ANKRD18B: variants seen among roughly 807,000 people sequenced by gnomAD.
The protein encoded by ANKRD18B is ankyrin repeat domain 18B.
In ANKRD18B, 75 loss-of-function variants were observed where a neutral mutation model predicts 111.8. The ratio of observed to expected loss-of-function variants is 0.67; its 90% CI spans 0.56 to 0.81. ANKRD18B has a LOEUF of 0.81. Ranked by LOEUF, ANKRD18B falls within the 40% of genes least tolerant of loss-of-function variation. The pLI is 0.00. For missense variants in ANKRD18B, 1,038 were observed against 1,225.5 expected, an observed-to-expected ratio of 0.85 and a Z score of 2.28; for synonymous variants, 356 against 417.3, an observed-to-expected ratio of 0.85 and a Z score of 1.79.
intron 16 of ANKRD18B, among the ~76,000 whole-genome samples, chr9:33,567,549 C>T (rs561660846): frequency 6.6e-6 from 1 of 152,086 alleles, no homozygotes; most frequent in Non-Finnish European, 1.5e-5. Context: ...TGAAAAGTCT[C>T]ATGTAGTTAA....
intron 10 of ANKRD18B, among the ~76,000 whole-genome samples, chr9:33,545,720 A>C (rs541548533): frequency 6.6e-6 from 1 of 152,314 alleles, no homozygotes; most frequent in African/African-American, 2.4e-5. Context: ...AGATATGCAA[A>C]GGCTTAAGAA....
chr9:33,566,787 TATG>T (rs1828692350), intron 15 of ANKRD18B, among the ~76,000 whole-genome samples: 1 of 152,182 alleles, frequency 6.6e-6, no homozygotes, highest in Non-Finnish European at 1.5e-5. Context: ...TTAGAAATTA[TATG>T]ATACTTTTGA....
At chr9:33,540,917 AGAGGATAGATG>A (rs1342198926) in intron 8 of ANKRD18B, among the ~76,000 whole-genome samples, 3 of 152,208 alleles carry the variant, frequency 2.0e-5, no homozygotes, top group Non-Finnish European at 2.9e-5. Flanking sequence ...CCCATTATGT[AGAGGATAGATG>A]GAGGATAGAT....
chr9:33,573,984 TG>T (rs1394514111), downstream of ANKRD18B, among the ~76,000 whole-genome samples: 1 of 142,178 alleles, frequency 7.0e-6, no homozygotes, highest in Non-Finnish European at 1.6e-5. Flanking sequence ...AACTGGTCGG[TG>T]GGGTGTATTC....
At chr9:33,537,676 G>A (rs896349554) in intron 6 of ANKRD18B, among the ~76,000 whole-genome samples, 20 of 152,006 alleles carry the variant, frequency 1.3e-4, no homozygotes, top group African/African-American at 4.1e-4. Context: ...TGAATATTGC[G>A]GGGGTTAGGG....
downstream of ANKRD18B, chr9:33,574,607 T>A (rs1455502649): frequency 1.3e-5 from 2 of 152,846 alleles, no homozygotes; most frequent in Non-Finnish European, 2.9e-5. Flanking sequence ...AGGGCAGAAA[T>A]TGGGGAGCAC....
chr9:33,538,536 GA>G (rs1828233347), intron 6 of ANKRD18B, among the ~76,000 whole-genome samples: 1 of 152,186 alleles, frequency 6.6e-6, no homozygotes, highest in Admixed American at 6.5e-5. Flanking sequence ...AGGAGTTTGA[GA>G]CCAGCCTGAC....
In ANKRD18B at chr9:33,554,138, A is replaced by G. The variant is rs1246858409; in HGVS notation, c.2218-1570A>G. ...AATATACTGGCCCAAAAAAGAAGAA[A>G]GAGAGAGAGAGAGAAAGAAAGAAAG... On this transcript the variant is annotated intron_variant, in intron 12 of 18. Coordinates refer to ENST00000684830, the MANE Select transcript of ANKRD18B (RefSeq NM_001393611.1). Among the ~76,000 whole-genome samples the G allele has an allele frequency of 3.5e-5, 5 of 141,474 alleles. No homozygotes were observed. The East Asian group carries it at 1.1e-3, about 31-fold the overall frequency. 92.8% of individuals were successfully genotyped at this position (141,474 alleles called of 152,430 possible).
At chr9:33,544,087 T>C (rs1563902779) in intron 10 of ANKRD18B, among the ~76,000 whole-genome samples, 1 of 152,194 alleles carries the variant, frequency 6.6e-6, no homozygotes, top group Non-Finnish European at 1.5e-5. Context: ...GGGTTCACTA[T>C]TTAGGGTATG....
At chr9:33,535,586 C>T (rs943871845) in intron 5 of ANKRD18B, among the ~76,000 whole-genome samples, 1 of 150,982 alleles carries the variant, frequency 6.6e-6, no homozygotes, top group African/African-American at 2.4e-5. Context: ...CACACCCGGC[C>T]CACAGCTACA....
In ANKRD18B at chr9:33,567,086, C is replaced by A. The variant is rs773587621; in HGVS notation, c.2743-17C>A. Reference sequence around the variant, plus strand: ...CTTATAATTGTTTTAAAAGTGTATTCTTTTCATTTGTTTTAGAAACAAGCA... The same window carrying A: ...CTTATAATTGTTTTAAAAGTGTATTATTTTCATTTGTTTTAGAAACAAGCA... On this transcript the variant is annotated splice_polypyrimidine_tract_variant and intron_variant, in intron 15 of 18. Coordinates refer to ENST00000684830, the MANE Select transcript of ANKRD18B (RefSeq NM_001393611.1). The A allele has an allele frequency of 2.3e-5, 35 of 1,509,418 alleles. No homozygotes were observed. Among genetic ancestry groups the A allele is most frequent in the South Asian group, 7.8e-5 (6 of 76,886 alleles). 93.5% of individuals were successfully genotyped at this position (1,509,418 alleles called of 1,614,324 possible).
chr9:33,525,590 T>C (rs896607541), intron 1 of ANKRD18B, among the ~76,000 whole-genome samples: 30 of 152,006 alleles, frequency 2.0e-4, no homozygotes, highest in Middle Eastern at 3.2e-3. Flanking sequence ...AAGACTTATT[T>C]ATACAGGTAC....
At chr9:33,530,246 T>C (rs555315499) in intron 3 of ANKRD18B, among the ~76,000 whole-genome samples, 2 of 152,194 alleles carry the variant, frequency 1.3e-5, no homozygotes, top group African/African-American at 4.8e-5. Context: ...AGTCTACAAG[T>C]GTAGGCTTTC....
At chr9:33,565,929 A>T (rs112735801) in intron 14 of ANKRD18B, among the ~76,000 whole-genome samples, 1 of 152,212 alleles carries the variant, frequency 6.6e-6, no homozygotes, top group African/African-American at 2.4e-5. Flanking sequence ...GAGATAACTT[A>T]GTGCCATTTA....
In ANKRD18B at chr9:33,567,117, T is replaced by C. The variant is rs201980095; in HGVS notation, c.2757T>C (p.Tyr919=). ...ATTTGTTTTAGAAACAAGCAGAATA[T>C]GAAAAACAATTAGAGCAGTTAAACA... The part of the protein sequence containing the change: ...EEIHLQKQAE[Y]EKQLEQLNKD... Residue 919 remains tyrosine (Y), a synonymous_variant, in exon 16 of 19, where the codon TAT becomes TAC. Transcript: ENST00000684830. 2.2e-3 allele frequency: 3,429 copies of C among 1,530,380 alleles called. 5 individuals carry two copies. The highest frequency in any genetic ancestry group is 2.7e-3 in the Non-Finnish European group (3,109 of 1,140,744). 94.8% of individuals were successfully genotyped at this position (1,530,380 alleles called of 1,614,324 possible).
At chr9:33,533,727 A>C (rs1169999086) in intron 4 of ANKRD18B, 182 bp downstream of exon 4, 4 of 1,245,266 alleles carry the variant, frequency 3.2e-6, no homozygotes, top group Non-Finnish European at 4.2e-6. Flanking sequence ...CATAAAAAAC[A>C]GTATATAGTA....
At position 33,572,348 on chromosome 9, in the gene ANKRD18B, C is replaced by G; in HGVS notation, c.3256C>G (p.Leu1086Val). Residue 1086 changes from leucine (L) to valine (V), a missense_variant, in exon 19 of 19, where the codon CTT (leucine) becomes GTT (valine). By Grantham distance (32) the Leu-to-Val change is conservative. This residue lies in a region of ANKRD18B where 524 missense variants were observed against 677.9 expected (regional missense o/e 0.77). Coordinates refer to ENST00000684830, the MANE Select transcript of ANKRD18B (RefSeq NM_001393611.1). Reference sequence around the variant, plus strand: ...TGCGTTGGGCCCTTGCTCCTATCTACTTTCTTCTCTAGAATCCACTGGTAA... The same window carrying G: ...TGCGTTGGGCCCTTGCTCCTATCTAGTTTCTTCTCTAGAATCCACTGGTAA... ...FAALGPCSYL[L>V]SSLESTGKPH... The G allele has an allele frequency of 6.2e-7, 1 of 1,611,834 alleles. No homozygotes were observed. The highest frequency in any genetic ancestry group is 8.5e-7 in the Non-Finnish European group (1 of 1,178,894).
At chr9:33,572,197 C>T (rs1010540902) in intron 18 of ANKRD18B, 119 bp from the exon 19 acceptor site, 22 of 742,114 alleles carry the variant, frequency 3.0e-5, no homozygotes, top group South Asian at 1.0e-4. Context: ...TGTAATTGCA[C>T]GTACATATTT....
rs750996914 is a variant in ANKRD18B at position 33,572,367 on chromosome 9, C to T, written c.3275C>T (p.Thr1092Ile). Residue 1092 changes from threonine to isoleucine, a missense_variant, in exon 19 of 19, where the codon ACT (threonine) becomes ATT (isoleucine). Transcript: ENST00000684830. ...CSYLLSSLES[T>I]GKPHLMKRIF... ...TATCTACTTTCTTCTCTAGAATCCA[C>T]TGGTAAGCCACATCTAATGAAGAGA... 5 of 1,611,052 alleles carry T rather than the reference C, an allele frequency of 3.1e-6. No individual in the cohort carries two copies. Among genetic ancestry groups the T allele is most frequent in the Non-Finnish European group, 4.2e-6 (5 of 1,178,600 alleles).
Sources: gnomAD v4.1 joint callset for allele counts (sites outside exome capture counted in the v4.1 genomes callset) on GRCh38, gnomAD v4.1.1 for gene constraint, gnomAD v4.1.1 regional missense constraint, MANE v1.5 for transcripts, NCBI Gene and HGNC (gene_info 2026-07-23, HGNC 2026-07-21) for gene names.